WDR64: variants seen among roughly 807,000 people sequenced by gnomAD.
WDR64 encodes the protein WD repeat domain 64.
Under a neutral mutation model 139.3 loss-of-function variants are expected in WDR64, and 112 were observed. The ratio of observed to expected loss-of-function variants is 0.80; its 90% CI spans 0.69 to 0.94. The LOEUF (loss-of-function observed/expected upper bound fraction) is 0.94, where lower values mean the gene tolerates loss of function less well. WDR64 is among the 40% of genes least tolerant of loss of function. The probability of loss-of-function intolerance (pLI) is 0.00; values close to 1 mark genes in which losing one functional copy is unlikely to be tolerated. For missense variants in WDR64, 1,206 were observed against 1,293.1 expected (o/e 0.93, Z 1.03); for synonymous variants, 444 against 437.7 (o/e 1.01, Z -0.18).
intron 9 of WDR64, among the ~76,000 whole-genome samples, chr1:241,719,817 T>C (rs150467261): frequency 6.6e-6 from 1 of 152,304 alleles, no homozygotes; most frequent in East Asian, 1.9e-4. Flanking sequence ...CAAATTTATT[T>C]TAAGTTCCAG....
At chr1:241,677,334 C>G (rs537638655) in intron 4 of WDR64, 205 of 398,492 alleles carry the variant, frequency 5.1e-4, no homozygotes, top group South Asian at 1.4e-3. Flanking sequence ...TTTTTTCCAC[C>G]TAGAAGTCAG....
chr1:241,696,000 G>C (rs1052525121), intron 8 of WDR64, among the ~76,000 whole-genome samples: 1 of 149,788 alleles, frequency 6.7e-6, no homozygotes, highest in African/African-American at 2.5e-5. Context: ...TGTGGTCCCA[G>C]CTACTTGGGA....
intron 9 of WDR64, among the ~76,000 whole-genome samples, chr1:241,718,226 G>C (rs542863500): frequency 1.3e-3 from 204 of 152,168 alleles, no homozygotes; most frequent in African/African-American, 4.8e-3. Context: ...CCAGATAATG[G>C]GTAAACAGAT....
intron 8 of WDR64, among the ~76,000 whole-genome samples, chr1:241,692,989 G>C (rs561345706): frequency 1.4e-4 from 22 of 152,286 alleles, no homozygotes; most frequent in African/African-American, 4.6e-4. Flanking sequence ...AGTGACTTTA[G>C]AATTCCGCTT....
chr1:241,710,780 TC>T (rs1451303628), intron 8 of WDR64, among the ~76,000 whole-genome samples: 3 of 152,090 alleles, frequency 2.0e-5, no homozygotes, highest in African/African-American at 7.2e-5. Context: ...GCGATAGGGA[TC>T]ACTCAGGGCC....
chr1:241,774,330 C>T (rs1181099122), intron 20 of WDR64, among the ~76,000 whole-genome samples: 1 of 152,166 alleles, frequency 6.6e-6, no homozygotes, highest in East Asian at 1.9e-4. Flanking sequence ...ACAAAGTATT[C>T]TAATAATAAC....
chr1:241,696,957 CA>C (rs1171242429), intron 8 of WDR64, among the ~76,000 whole-genome samples: 1 of 152,222 alleles, frequency 6.6e-6, no homozygotes, highest in African/African-American at 2.4e-5. Flanking sequence ...ATGCCTCTGA[CA>C]CCTTGATCTC....
chr1:241,664,324 C>G (rs1036209111), intron 2 of WDR64, among the ~76,000 whole-genome samples: 1 of 152,180 alleles, frequency 6.6e-6, no homozygotes, highest in Non-Finnish European at 1.5e-5. Context: ...ATTTCTAATG[C>G]AATCATTTTG....
rs769864773 is a variant in WDR64, at chr1:241,703,322, C to T, written c.975-8480C>T. On this transcript the variant is annotated intron_variant, in intron 8 of 27. Coordinates refer to ENST00000437684, the MANE Select transcript of WDR64 (RefSeq NM_001367482.1). The surrounding 1 kb of genome is among the most constrained non-coding windows in gnomAD (Gnocchi z 5.9). The stretch of plus-strand genomic sequence containing the variant: ...AACACATGCCCCCTGAAAAAAGTCA[C>T]CCCTTTACCTTCTACCTGATGACTC... Among the ~76,000 whole-genome samples the T allele has an allele frequency of 1.9e-4, 29 of 152,106 alleles. No homozygotes were observed. The highest frequency in any genetic ancestry group is 3.1e-4 in the Non-Finnish European group (21 of 68,020).
chr1:241,798,002 G>A (rs1481680450), intron 27 of WDR64, among the ~76,000 whole-genome samples: 2 of 152,000 alleles, frequency 1.3e-5, no homozygotes. Context: ...TAGGTACCAG[G>A]GGGAAGACAA....
chr1:241,764,233 G>T (rs987348358), intron 15 of WDR64, among the ~76,000 whole-genome samples: 1 of 152,210 alleles, frequency 6.6e-6, no homozygotes, highest in African/African-American at 2.4e-5. Context: ...CTTTAAATGA[G>T]AAATGACACG....
At chr1:241,660,490 T>G (rs1479788545) in intron 1 of WDR64, 40 bp from the exon 2 acceptor site, 1 of 1,539,638 alleles carries the variant, frequency 6.5e-7, no homozygotes, top group East Asian at 2.5e-5. Flanking sequence ...AGGTAGTCCT[T>G]GGAATTTGAT....
At position 241,779,829 on chromosome 1, in the gene WDR64, CAAAT is replaced by C. The variant is rs754810472; in HGVS notation, c.2537-155_2537-152del. On this transcript the variant is annotated intron_variant, in intron 21 of 27. Coordinates refer to ENST00000437684, the MANE Select transcript of WDR64 (RefSeq NM_001367482.1). ...TGGGCTACAAAGCGAGACTCCATCT[CAAAT>C]AAATAAATAAATAAATAAAAATGAA... Among the ~76,000 whole-genome samples, 7 of 152,076 alleles carry C rather than the reference CAAAT, an allele frequency of 4.6e-5. No individual in the cohort carries two copies. The South Asian group carries it at 1.2e-3, about 27-fold the overall frequency.
chr1:241,754,792 C>T (rs1670118543), intron 14 of WDR64, among the ~76,000 whole-genome samples: 1 of 151,412 alleles, frequency 6.6e-6, no homozygotes, highest in South Asian at 2.1e-4. Context: ...CATTGTTCAA[C>T]TCCCACTTAT....
At chr1:241,686,784 T>C (rs1483669663) in intron 7 of WDR64, among the ~76,000 whole-genome samples, 4 of 152,102 alleles carry the variant, frequency 2.6e-5, no homozygotes, top group Non-Finnish European at 5.9e-5. Flanking sequence ...AAAGTACTAA[T>C]GGAAAATATA....
chr1:241,789,664 G>A (rs939609199), intron 24 of WDR64, among the ~76,000 whole-genome samples: 1 of 152,154 alleles, frequency 6.6e-6, no homozygotes, highest in Non-Finnish European at 1.5e-5. Context: ...ACTTATAAGT[G>A]GGAGCTAAAT....
At chr1:241,705,559 A>AAATAAATAAGAAT (rs376010669) in intron 8 of WDR64, among the ~76,000 whole-genome samples, 1 of 136,668 alleles carries the variant, frequency 7.3e-6, no homozygotes, top group Admixed American at 7.5e-5. Context: ...ATAAATAAAT[A>AAATAAATAAGAAT]AATAATAATA....
chr1:241,775,110 A>T lies in WDR64; in HGVS notation c.2436A>T (p.Arg812Ser), dbSNP rs1259574926. The T allele has an allele frequency of 6.5e-7, 1 of 1,549,984 alleles. No individual in the cohort carries two copies. The highest frequency in any genetic ancestry group is 1.4e-5 in the African/African-American group (1 of 73,034). The change falls in exon 21 of 28, where the codon AGA becomes AGT. Residue 812 changes from arginine (R) to serine (S), a missense_variant. Coordinates refer to ENST00000437684, the MANE Select transcript of WDR64 (RefSeq NM_001367482.1). The stretch of plus-strand genomic sequence containing the variant: ...TTGCATTATACTTTATTTAGGGAAG[A>T]CTACTGAAAGATATGCTACCTTTCA... The part of the protein sequence containing the change: ...GHLRLWTLEG[R>S]LLKDMLPFTK...
intron 11 of WDR64, among the ~76,000 whole-genome samples, chr1:241,741,221 T>C (rs1669527400): frequency 6.6e-6 from 1 of 152,128 alleles, no homozygotes; most frequent in South Asian, 2.1e-4. Context: ...GACTATGAAA[T>C]ATAGGAAAAT....
Sources: gnomAD v4.1 joint callset for allele counts (sites outside exome capture counted in the v4.1 genomes callset) on GRCh38, gnomAD v4.1.1 for gene constraint, Gnocchi (gnomAD v3.1) non-coding constraint, MANE v1.5 for transcripts, NCBI Gene and HGNC (gene_info 2026-07-23, HGNC 2026-07-21) for gene names.